The following GALNTL6 variants were observed in gnomAD, a reference collection of about 807,000 sequenced individuals.
GALNTL6 encodes polypeptide N-acetylgalactosaminyltransferase like 6.
GALNTL6 carries 46 observed loss-of-function variants against 73.7 expected under a neutral mutation model. The observed-to-expected ratio is 0.62, with a 90% confidence interval of 0.49 to 0.80. The LOEUF (loss-of-function observed/expected upper bound fraction) is 0.80, where lower values mean the gene tolerates loss of function less well. GALNTL6 is among the 30% of genes least tolerant of loss of function. GALNTL6 has a pLI of 0.00. For missense variants in GALNTL6, 604 were observed against 755.0 expected (o/e 0.80, Z 2.34); for synonymous variants, 259 against 263.7 (o/e 0.98, Z 0.17).
At chr4:173,001,517 T>C (rs941044329) in intron 10 of GALNTL6, among the ~76,000 whole-genome samples, 1 of 152,118 alleles carries the variant, frequency 6.6e-6, no homozygotes, top group Admixed American at 6.5e-5. Flanking sequence ...AATAGATAAA[T>C]TGGACTTCAT....
chr4:173,004,802 A>T (rs1247193971), intron 10 of GALNTL6, among the ~76,000 whole-genome samples: 1 of 152,070 alleles, frequency 6.6e-6, no homozygotes, highest in African/African-American at 2.4e-5. Context: ...TGCACAAAGG[A>T]TAGGACTGGT....
At chr4:172,125,188 T>C (rs1275504761) in intron 2 of GALNTL6, among the ~76,000 whole-genome samples, 1 of 152,128 alleles carries the variant, frequency 6.6e-6, no homozygotes, top group African/African-American at 2.4e-5. Flanking sequence ...GTTGAACTTC[T>C]GAGATAGAAA....
chr4:172,416,447 A>G (rs1730840696), intron 5 of GALNTL6, among the ~76,000 whole-genome samples: 1 of 152,216 alleles, frequency 6.6e-6, no homozygotes, highest in Admixed American at 6.5e-5. Flanking sequence ...TAGAAGAGAT[A>G]AACGAATACA....
chr4:172,355,618 C>T (rs892498127), intron 5 of GALNTL6, among the ~76,000 whole-genome samples: 6 of 152,024 alleles, frequency 3.9e-5, no homozygotes, highest in South Asian at 2.1e-4. Context: ...ATAAGCAAAA[C>T]ATACTATTAC....
intron 5 of GALNTL6, among the ~76,000 whole-genome samples, chr4:172,792,166 C>A (rs147945296): frequency 5.3e-5 from 8 of 151,990 alleles, no homozygotes; most frequent in Admixed American, 2.0e-4. Flanking sequence ...AAAACCATGA[C>A]GTGAAAATAG....
intron 2 of GALNTL6, among the ~76,000 whole-genome samples, chr4:172,013,363 A>G (rs1741080589): frequency 6.6e-6 from 1 of 152,012 alleles, no homozygotes; most frequent in Admixed American, 6.6e-5. Flanking sequence ...CTCTACTTTT[A>G]TGAGATCAAC....
At chr4:172,647,733 G>T (rs1740302233) in intron 5 of GALNTL6, among the ~76,000 whole-genome samples, 1 of 151,992 alleles carries the variant, frequency 6.6e-6, no homozygotes, top group African/African-American at 2.4e-5. Flanking sequence ...CAAATTGACT[G>T]ATGAAAAATC....
chr4:172,333,843 T>C (rs1237708527), intron 4 of GALNTL6, among the ~76,000 whole-genome samples: 1 of 152,178 alleles, frequency 6.6e-6, no homozygotes, highest in Non-Finnish European at 1.5e-5. Flanking sequence ...GTCTTTAATA[T>C]ATCTTGAGTT....
intron 2 of GALNTL6, among the ~76,000 whole-genome samples, chr4:172,012,352 T>C (rs1741037878): frequency 6.6e-6 from 1 of 152,006 alleles, no homozygotes; most frequent in Admixed American, 6.6e-5. Flanking sequence ...TCTTCCAGGG[T>C]CTACTCTCTA....
intron 2 of GALNTL6, among the ~76,000 whole-genome samples, chr4:172,115,076 T>TA (rs1485851877): frequency 1.3e-5 from 2 of 152,110 alleles, no homozygotes; most frequent in African/African-American, 2.4e-5. Flanking sequence ...GAACTATTCT[T>TA]AAGAGCTCTA....
chr4:172,463,942 A>C (rs190377146), intron 5 of GALNTL6, among the ~76,000 whole-genome samples: 1 of 152,344 alleles, frequency 6.6e-6, no homozygotes, highest in Admixed American at 6.5e-5. Context: ...AATAATAGTT[A>C]CTTTCTACGG....
At chr4:172,664,178 G>T (rs1192275858) in intron 5 of GALNTL6, among the ~76,000 whole-genome samples, 1 of 152,076 alleles carries the variant, frequency 6.6e-6, no homozygotes, top group African/African-American at 2.4e-5. Context: ...CTTATGTCTT[G>T]GAAGGGTTCT....
At chr4:172,572,280 A>G (rs1224897421) in intron 5 of GALNTL6, among the ~76,000 whole-genome samples, 1 of 152,204 alleles carries the variant, frequency 6.6e-6, no homozygotes, top group African/African-American at 2.4e-5. Flanking sequence ...TAATGATGAT[A>G]ATAACTAGCA....
rs535035980 is a variant in GALNTL6, at chr4:172,227,817, A to G, written c.139-1839A>G. Among the ~76,000 whole-genome samples, 87 of 152,320 alleles carry G rather than the reference A, an allele frequency of 5.7e-4. 1 individual carries two copies. Among genetic ancestry groups the G allele is most frequent in the African/African-American group, 2.1e-3 (87 of 41,576 alleles). ...TTACTACTTATTAAGAATTCGCTAT[A>G]TTACATATATCAAAATAAGGAAAAT... On this transcript the variant is annotated intron_variant, in intron 2 of 12. Transcript: ENST00000506823.
At chr4:172,095,885 T>C (rs995198421) in intron 2 of GALNTL6, among the ~76,000 whole-genome samples, 16 of 151,950 alleles carry the variant, frequency 1.1e-4, no homozygotes, top group African/African-American at 3.9e-4. Flanking sequence ...TATTTAAATT[T>C]ATAATAAAAT....
At position 172,006,499 on chromosome 4, in the gene GALNTL6, C is replaced by T. The variant is rs923873923; in HGVS notation, c.138+191781C>T. ...GAAAGCTAGCCAAGGTGGTGGTGCACACCTGCAGTCCCAGCTACTCGGGAG... is the reference window on the plus strand; with the variant it reads ...GAAAGCTAGCCAAGGTGGTGGTGCATACCTGCAGTCCCAGCTACTCGGGAG... On this transcript the variant is annotated intron_variant, in intron 2 of 12. Coordinates refer to ENST00000506823, the MANE Select transcript of GALNTL6 (RefSeq NM_001034845.3). Among the ~76,000 whole-genome samples the T allele has an allele frequency of 3.3e-5, 5 of 151,950 alleles. No homozygotes were observed. The East Asian group carries it at 9.6e-4, about 29-fold the overall frequency.
chr4:172,890,517 G>C (rs896288280), intron 8 of GALNTL6, among the ~76,000 whole-genome samples: 1 of 152,076 alleles, frequency 6.6e-6, no homozygotes, highest in Non-Finnish European at 1.5e-5. Flanking sequence ...GATACTCTTA[G>C]TGTTGATTTT....
At chr4:172,091,508 C>T (rs918909146) in intron 2 of GALNTL6, among the ~76,000 whole-genome samples, 2 of 152,268 alleles carry the variant, frequency 1.3e-5, no homozygotes, top group South Asian at 2.1e-4. Context: ...TTTAAGGTAT[C>T]AGACCAGTTT....
intron 8 of GALNTL6, among the ~76,000 whole-genome samples, chr4:172,897,805 A>AGGTT (rs1408586307): frequency 6.6e-6 from 1 of 152,198 alleles, no homozygotes; most frequent in Non-Finnish European, 1.5e-5. Flanking sequence ...GGATGTGAGC[A>AGGTT]GGTTGCCTTC....
Sources: allele counts gnomAD v4.1 joint callset (sites outside exome capture counted in the v4.1 genomes callset), GRCh38; gene constraint gnomAD v4.1.1; transcripts MANE v1.5; gene names NCBI Gene and HGNC (gene_info 2026-07-23, HGNC 2026-07-21).